Variants in COL25A1 observed in about 807,000 individuals in gnomAD.
The protein encoded by COL25A1 is collagen alpha-1(XXV) chain.
A neutral mutation model predicts 128.4 loss-of-function variants in COL25A1; 103 were observed. That is an observed-to-expected ratio of 0.80 (90% confidence interval 0.68 to 0.94). The LOEUF (loss-of-function observed/expected upper bound fraction) is 0.94, where lower values mean the gene tolerates loss of function less well. Ranked by LOEUF, COL25A1 falls within the 40% of genes least tolerant of loss-of-function variation. The pLI is 0.00. For synonymous variants in COL25A1, 279 were observed against 277.2 expected (o/e 1.01, Z -0.06); for missense variants, 745 against 840.0 (o/e 0.89, Z 1.40).
chr4:109,297,314 C>T (rs1018634942), intron 3 of COL25A1, among the ~76,000 whole-genome samples: 13 of 152,064 alleles, frequency 8.5e-5, no homozygotes, highest in African/African-American at 3.1e-4. Flanking sequence ...AATTTTACTG[C>T]AATAGGCTAT....
At chr4:109,217,516 C>T (rs2126205187) in intron 3 of COL25A1, among the ~76,000 whole-genome samples, 1 of 135,206 alleles carries the variant, frequency 7.4e-6, no homozygotes, top group East Asian at 2.1e-4. Flanking sequence ...AATAATTTAG[C>T]AGGTGGAAAC....
chr4:109,111,690 C>T (rs1257832075), intron 3 of COL25A1, among the ~76,000 whole-genome samples: 1 of 152,156 alleles, frequency 6.6e-6, no homozygotes, highest in Admixed American at 6.5e-5. Flanking sequence ...CTTCCCCTTC[C>T]CCTTTCCAGA....
intron 3 of COL25A1, among the ~76,000 whole-genome samples, chr4:109,254,507 G>A (rs58479339): frequency 0.024 from 1,184 of 49,982 alleles, 36 homozygotes; most frequent in African/African-American, 0.063. Context: ...ATATATATAT[G>A]TATGTGTGTA....
intron 3 of COL25A1, among the ~76,000 whole-genome samples, chr4:109,061,479 C>T (rs1202011933): frequency 6.6e-6 from 1 of 152,136 alleles, no homozygotes; most frequent in African/African-American, 2.4e-5. Context: ...GCTATTTTGT[C>T]TATTTAAGGA....
intron 3 of COL25A1, among the ~76,000 whole-genome samples, chr4:109,064,661 G>C (rs954509946): frequency 6.6e-6 from 1 of 152,186 alleles, no homozygotes; most frequent in Non-Finnish European, 1.5e-5. Context: ...GACCTCCCAT[G>C]CATTGTCATT....
At chr4:109,122,347 T>C (rs1436917379) in intron 3 of COL25A1, among the ~76,000 whole-genome samples, 2 of 152,046 alleles carry the variant, frequency 1.3e-5, no homozygotes, top group Non-Finnish European at 2.9e-5. Context: ...GGGATGTTGA[T>C]AGCACAGGAA....
At chr4:108,952,558 G>T (rs1434520604) in intron 8 of COL25A1, among the ~76,000 whole-genome samples, 1 of 152,070 alleles carries the variant, frequency 6.6e-6, no homozygotes, top group Non-Finnish European at 1.5e-5. Context: ...TTGTCAAAAA[G>T]TCTTCTAAGA....
chr4:109,289,360 T>C (rs1371758004), intron 3 of COL25A1, among the ~76,000 whole-genome samples: 1 of 152,142 alleles, frequency 6.6e-6, no homozygotes, highest in Non-Finnish European at 1.5e-5. Flanking sequence ...TACTAGTTCC[T>C]TCTTTAATGA....
chr4:109,294,542 A>G (rs1002634271), intron 3 of COL25A1, among the ~76,000 whole-genome samples: 1 of 152,076 alleles, frequency 6.6e-6, no homozygotes, highest in African/African-American at 2.4e-5. Flanking sequence ...AAAAGGTGCT[A>G]AATATCATGG....
chr4:109,120,170 T>A (rs886538196), intron 3 of COL25A1, among the ~76,000 whole-genome samples: 1 of 152,000 alleles, frequency 6.6e-6, no homozygotes, highest in Non-Finnish European at 1.5e-5. Context: ...ACAGCAAACA[T>A]CATACTTAAG....
intron 23 of COL25A1, among the ~76,000 whole-genome samples, chr4:108,859,997 T>C (rs1023655557): frequency 1.3e-5 from 2 of 152,222 alleles, no homozygotes; most frequent in African/African-American, 2.4e-5. Context: ...GAAACTATTT[T>C]CTGAAAATTA....
At chr4:109,019,367 C>CATATATATATATATAT (rs1757498504) in intron 5 of COL25A1, among the ~76,000 whole-genome samples, 1 of 110,640 alleles carries the variant, frequency 9.0e-6, no homozygotes, top group Non-Finnish European at 2.3e-5. Flanking sequence ...CACACACACA[C>CATATATATATATATAT]ACACACACAT....
At chr4:109,091,262 G>A (rs1452492170) in intron 3 of COL25A1, among the ~76,000 whole-genome samples, 1 of 152,014 alleles carries the variant, frequency 6.6e-6, no homozygotes, top group African/African-American at 2.4e-5. Context: ...CCTCCAAAAG[G>A]TGTTTGCTTT....
At chr4:108,974,346 G>A (rs751168884) in intron 8 of COL25A1, 21 bp downstream of exon 8, 2 of 1,613,210 alleles carry the variant, frequency 1.2e-6, no homozygotes, top group Non-Finnish European at 1.7e-6. Flanking sequence ...TTCCGCCCAA[G>A]ATAGGTAGAG....
intron 3 of COL25A1, among the ~76,000 whole-genome samples, chr4:109,111,998 A>G (rs1467237346): frequency 2.0e-5 from 3 of 152,254 alleles, no homozygotes; most frequent in South Asian, 2.1e-4. Context: ...CTAAGATTAA[A>G]TCCTAGCTAC....
chr4:109,055,021 C>T (rs1013463482), intron 3 of COL25A1, among the ~76,000 whole-genome samples: 1 of 152,180 alleles, frequency 6.6e-6, no homozygotes, highest in Non-Finnish European at 1.5e-5. Flanking sequence ...AGAGACTAAA[C>T]CAGGTTTACC....
At chr4:109,028,332 C>T (rs1386481745) in intron 5 of COL25A1, among the ~76,000 whole-genome samples, 2 of 152,186 alleles carry the variant, frequency 1.3e-5, no homozygotes, top group African/African-American at 2.4e-5. Flanking sequence ...TGGTCTTGAA[C>T]TCCTGGGCTC....
At chr4:109,052,785 GCAGAA>G (rs1159330663) in intron 3 of COL25A1, among the ~76,000 whole-genome samples, 2 of 152,106 alleles carry the variant, frequency 1.3e-5, no homozygotes, top group Non-Finnish European at 2.9e-5. Flanking sequence ...TGGATAGCTG[GCAGAA>G]CAGAGTGAGA....
At chr4:109,129,197 T>G (rs1768926730) in intron 3 of COL25A1, among the ~76,000 whole-genome samples, 1 of 152,120 alleles carries the variant, frequency 6.6e-6, no homozygotes, top group East Asian at 1.9e-4. Context: ...TGGTGTGATC[T>G]TGGCTCACCG....
Sources: allele counts gnomAD v4.1 joint callset (sites outside exome capture counted in the v4.1 genomes callset), GRCh38; gene constraint gnomAD v4.1.1; transcripts MANE v1.5; gene names NCBI Gene and HGNC (gene_info 2026-07-23, HGNC 2026-07-21).